The following CSMD3 variants were observed in gnomAD, a reference collection of about 807,000 sequenced individuals.
CSMD3 encodes the protein CUB and Sushi multiple domains 3, also known as CUB and sushi domain-containing protein 3.
Under a neutral mutation model 435.2 loss-of-function variants are expected in CSMD3, and 177 were observed. That is an observed-to-expected ratio of 0.41 (90% confidence interval 0.36 to 0.46). The LOEUF (loss-of-function observed/expected upper bound fraction) is 0.46, where lower values mean the gene tolerates loss of function less well. Ranked by LOEUF, CSMD3 falls within the 20% of genes least tolerant of loss-of-function variation. The pLI is 0.34. For missense variants in CSMD3, 4,265 were observed against 4,504.6 expected (o/e 0.95, Z 1.52); for synonymous variants, 1,656 against 1,520.5 (o/e 1.09, Z -2.07).
intron 3 of CSMD3, among the ~76,000 whole-genome samples, chr8:113,270,218 A>T (rs1309369531): frequency 6.6e-6 from 1 of 151,712 alleles, no homozygotes; most frequent in East Asian, 1.9e-4. Flanking sequence ...AATGCTCATC[A>T]TCACTGGCCA....
chr8:112,880,944 A>T (rs572790438), intron 10 of CSMD3, among the ~76,000 whole-genome samples: 1 of 152,162 alleles, frequency 6.6e-6, no homozygotes, highest in East Asian at 1.9e-4. Flanking sequence ...CACTTTCTAC[A>T]TATTTATTTG....
intron 10 of CSMD3, among the ~76,000 whole-genome samples, chr8:112,889,737 C>T (rs2081726959): frequency 6.6e-6 from 1 of 151,686 alleles, no homozygotes; most frequent in East Asian, 2.0e-4. Flanking sequence ...TAACATATTA[C>T]AGATGTAAAC....
At chr8:113,355,854 T>C (rs894527687) in intron 1 of CSMD3, among the ~76,000 whole-genome samples, 7 of 147,602 alleles carry the variant, frequency 4.7e-5, no homozygotes, top group African/African-American at 1.5e-4. Flanking sequence ...TTTCATCTTT[T>C]GTGAAGATCA....
At chr8:112,350,270 T>G (rs920819200) in intron 40 of CSMD3, among the ~76,000 whole-genome samples, 8 of 141,408 alleles carry the variant, frequency 5.7e-5, no homozygotes, top group East Asian at 2.2e-4. Context: ...ACACAAGTCA[T>G]GGACTTTTTT....
At chr8:113,415,158 G>A (rs2094576552) in intron 1 of CSMD3, among the ~76,000 whole-genome samples, 1 of 152,040 alleles carries the variant, frequency 6.6e-6, no homozygotes, top group Non-Finnish European at 1.5e-5. Context: ...GAGAAAATAC[G>A]GCAGATTCTG....
At chr8:112,848,721 G>T (rs1441790878) in intron 11 of CSMD3, among the ~76,000 whole-genome samples, 3 of 152,044 alleles carry the variant, frequency 2.0e-5, no homozygotes, top group Non-Finnish European at 4.4e-5. Flanking sequence ...CTAATTTAAA[G>T]ATGAGAAAAC....
At chr8:112,940,055 A>G (rs912330531) in intron 9 of CSMD3, among the ~76,000 whole-genome samples, 4 of 151,954 alleles carry the variant, frequency 2.6e-5, no homozygotes, top group Non-Finnish European at 5.9e-5. Context: ...CCAAAATAAG[A>G]TTTATAACTA....
intron 13 of CSMD3, among the ~76,000 whole-genome samples, chr8:112,742,402 G>C (rs1237508083): frequency 1.3e-5 from 2 of 151,878 alleles, no homozygotes; most frequent in Non-Finnish European, 2.9e-5. Context: ...AAACTATCTA[G>C]TTAGAAAATC....
chr8:112,331,402 T>G (rs2130925587), intron 45 of CSMD3, among the ~76,000 whole-genome samples: 1 of 152,186 alleles, frequency 6.6e-6, no homozygotes, highest in African/African-American at 2.4e-5. Context: ...CCTCAACATT[T>G]ACGCTTGTCC....
intron 13 of CSMD3, 56 bp from the exon 14 acceptor site, chr8:112,690,106 A>G: frequency 1.6e-6 from 2 of 1,255,772 alleles, no homozygotes; most frequent in Non-Finnish European, 2.3e-6. Flanking sequence ...TATGATACCC[A>G]TAATACAAGT....
chr8:113,248,404 T>C (rs1166790607), intron 3 of CSMD3, among the ~76,000 whole-genome samples: 4 of 147,974 alleles, frequency 2.7e-5, no homozygotes, highest in African/African-American at 7.4e-5. Flanking sequence ...ATAGAGATTA[T>C]AGAGATTCTA....
intron 14 of CSMD3, 130 bp from the exon 15 acceptor site, chr8:112,685,862 AAC>A (rs1402207671): frequency 1.5e-6 from 1 of 675,314 alleles, no homozygotes; most frequent in East Asian, 2.8e-5. Flanking sequence ...TAAATTATAA[AAC>A]AGAACAAAAC....
At chr8:113,010,435 A>G (rs942907040) in intron 6 of CSMD3, among the ~76,000 whole-genome samples, 1 of 151,862 alleles carries the variant, frequency 6.6e-6, no homozygotes, top group African/African-American at 2.4e-5. Context: ...GTGGGAACAA[A>G]CAAAATAGTT....
chr8:112,303,746 G>T (rs1821146674), intron 52 of CSMD3, among the ~76,000 whole-genome samples: 1 of 152,026 alleles, frequency 6.6e-6, no homozygotes, highest in South Asian at 2.1e-4. Flanking sequence ...TCAAATCAGT[G>T]AATATTCATA....
intron 31 of CSMD3, among the ~76,000 whole-genome samples, chr8:112,483,218 C>T (rs982309219): frequency 2.6e-5 from 4 of 152,124 alleles, no homozygotes; most frequent in African/African-American, 9.7e-5. Context: ...AGGCTGGGCG[C>T]GGTGGCTCAC....
At chr8:112,368,822 A>AT (rs1247996150) in intron 38 of CSMD3, among the ~76,000 whole-genome samples, 1 of 152,112 alleles carries the variant, frequency 6.6e-6, no homozygotes, top group Non-Finnish European at 1.5e-5. Context: ...ATTTTCTATA[A>AT]TTTTCCATTT....
intron 40 of CSMD3, among the ~76,000 whole-genome samples, chr8:112,349,049 T>A (rs559507731): frequency 6.6e-6 from 1 of 152,152 alleles, no homozygotes; most frequent in South Asian, 2.1e-4. Flanking sequence ...TTCAGTGACA[T>A]AATTAATCTA....
Position 112,560,860 on chromosome 8 carries a change from T to C in CSMD3, c.4043-3906A>G, listed in dbSNP as rs1376735521. ...GCAGATATAATATTCAGTTTATCAT[T>C]CAAGATGCAATGTATTTTGAGTTTT... On this transcript the variant is annotated intron_variant, in intron 24 of 70. Transcript: ENST00000297405. Among the ~76,000 whole-genome samples the C allele has an allele frequency of 2.6e-5, 4 of 151,688 alleles. No individual in the cohort carries two copies. The East Asian group carries it at 7.7e-4, about 29-fold the overall frequency.
At chr8:112,587,779 G>A (rs1437685208) in intron 22 of CSMD3, among the ~76,000 whole-genome samples, 1 of 151,496 alleles carries the variant, frequency 6.6e-6, no homozygotes, top group African/African-American at 2.4e-5. Flanking sequence ...AACCCCCCTG[G>A]TAATAACAAT....
Sources: gnomAD v4.1 joint callset for allele counts (sites outside exome capture counted in the v4.1 genomes callset) on GRCh38, gnomAD v4.1.1 for gene constraint, MANE v1.5 for transcripts, NCBI Gene and HGNC (gene_info 2026-07-23, HGNC 2026-07-21) for gene names.